ARNT2: variants seen among roughly 807,000 people sequenced by gnomAD.
ARNT2 encodes the protein ARNT protein 2.
Under a neutral mutation model 91.7 loss-of-function variants are expected in ARNT2, and 36 were observed. That is an observed-to-expected ratio of 0.39 (90% CI 0.30 to 0.52). ARNT2 has a LOEUF of 0.52. Ranked by LOEUF, ARNT2 falls within the 20% of genes least tolerant of loss-of-function variation. The pLI is 0.72. For missense variants in ARNT2, 775 were observed against 939.3 expected (o/e 0.83, Z 2.29); for synonymous variants, 365 against 347.1 (o/e 1.05, Z -0.57).
rs376563283 is a variant in ARNT2 at position 80,574,802 on chromosome 15, C to T, written c.1390-185C>T. Among the ~76,000 whole-genome samples the T allele has an allele frequency of 1.1e-4, 17 of 152,330 alleles. No homozygotes were observed. The South Asian group carries it at 3.5e-3, about 32-fold the overall frequency. The stretch of plus-strand genomic sequence containing the variant: ...CCTTCAGTTCACCGCCCCCTAACCC[C>T]CTCACCGGCTTTTCTTGGCTTTCAC... On this transcript the variant is annotated intron_variant, in intron 13 of 18. Coordinates refer to ENST00000303329, the MANE Select transcript of ARNT2 (RefSeq NM_014862.4).
At position 80,597,738 on chromosome 15, in the gene ARNT2, A is replaced by G. The variant is rs555215053; in HGVS notation, c.*4040A>G. ...AAAGAAAGGAAAAGATTTCATAAGC[A>G]GGTGTCAGTGGACAGTTTAAGTACT... On this transcript the variant is annotated 3_prime_UTR_variant, in exon 19 of 19. Coordinates refer to ENST00000303329, the MANE Select transcript of ARNT2 (RefSeq NM_014862.4). 6.3e-6 allele frequency: 1 copy of G among 158,064 alleles called. No individual in the cohort carries two copies. The highest frequency in any genetic ancestry group is 2.4e-5 in the African/African-American group (1 of 41,532). The allele number at this position is 158,064 out of a possible 1,614,324, so 9.8% of individuals were successfully genotyped here.
Position 80,528,214 on chromosome 15 carries a change from C to T in ARNT2, c.877+13809C>T, listed in dbSNP as rs139735545. Among the ~76,000 whole-genome samples the T allele has an allele frequency of 6.0e-3, 910 of 151,524 alleles. 16 individuals are homozygous for T. Among genetic ancestry groups the T allele is most frequent in the African/African-American group, 0.021 (884 of 41,258 alleles). On this transcript the variant is annotated intron_variant, in intron 8 of 18. Coordinates refer to ENST00000303329, the MANE Select transcript of ARNT2 (RefSeq NM_014862.4). ...CGGGGGTGGCAAGGACCACAGCTGG[C>T]GGGTGGGGACGCTGGGATCCACACT... is the stretch of plus-strand genomic sequence containing the variant.
intron 3 of ARNT2, among the ~76,000 whole-genome samples, chr15:80,462,713 C>A (rs1439159008): frequency 3.3e-5 from 5 of 152,180 alleles, no homozygotes; most frequent in African/African-American, 1.2e-4. Context: ...CTGCAAGTGA[C>A]CCCATTGGCT....
intron 5 of ARNT2, among the ~76,000 whole-genome samples, chr15:80,507,145 A>G (rs546307820): frequency 1.3e-5 from 2 of 152,268 alleles, no homozygotes; most frequent in Admixed American, 1.3e-4. Flanking sequence ...GTTTTCCCCT[A>G]AGATGGAAGA....
At chr15:80,477,139 A>G (rs1896818933) in intron 5 of ARNT2, among the ~76,000 whole-genome samples, 1 of 152,260 alleles carries the variant, frequency 6.6e-6, no homozygotes, top group Non-Finnish European at 1.5e-5. Context: ...GAGGCCAAGC[A>G]GATATCAGCA....
At chr15:80,529,078 A>T (rs977142988) in intron 8 of ARNT2, among the ~76,000 whole-genome samples, 6 of 152,292 alleles carry the variant, frequency 3.9e-5, no homozygotes, top group Admixed American at 2.6e-4. Context: ...GATGATTTTT[A>T]AAATAATTTC....
In ARNT2 at chr15:80,593,637, C is replaced by A. The variant is rs1893324763; in HGVS notation, c.2093C>A (p.Thr698Asn). The change falls in exon 19 of 19, where the codon ACT (threonine) becomes AAT (asparagine). Residue 698 changes from threonine to asparagine, a missense_variant. Thr to Asn is a moderately conservative substitution (Grantham distance 65). This residue lies in a region of ARNT2 where 325 missense variants were observed against 359.9 expected (regional missense o/e 0.90). Coordinates refer to ENST00000303329, the MANE Select transcript of ARNT2 (RefSeq NM_014862.4). ...ATGCCAGGAGATCCAACCCAGGGGA[C>A]TGGCAACTATAACATCGAAGACTTT... ...LPMPGDPTQG[T>N]GNYNIEDFAD... 1.9e-6 allele frequency: 3 copies of A among 1,606,828 alleles called. No homozygotes were observed. The highest frequency in any genetic ancestry group is 2.6e-6 in the Non-Finnish European group (3 of 1,175,802).
rs1243808480 is a variant in ARNT2, at chr15:80,591,741, G to T, written c.2055+37G>T. 6.2e-7 allele frequency: 1 copy of T among 1,610,202 alleles called. No individual in the cohort carries two copies. The highest frequency in any genetic ancestry group is 1.3e-5 in the African/African-American group (1 of 74,966). On this transcript the variant is annotated intron_variant, in intron 18 of 18. Transcript: ENST00000303329. The surrounding 1 kb of genome is among the most constrained non-coding windows in gnomAD (Gnocchi z 5.1). ...GAGCACCGCCTTCTCGTAGGTACCG[G>T]CGCCTTCTCTCTGCTTCCTTTCCCC...
At chr15:80,432,631 AG>A (rs1369385085) in intron 1 of ARNT2, among the ~76,000 whole-genome samples, 1 of 151,958 alleles carries the variant, frequency 6.6e-6, no homozygotes, top group Non-Finnish European at 1.5e-5. Flanking sequence ...TCCCAGAAAA[AG>A]TTTGCCAACC....
chr15:80,580,129 G>A (rs1418466993), intron 15 of ARNT2: 4 of 403,926 alleles, frequency 9.9e-6, no homozygotes, highest in African/African-American at 6.0e-5. Context: ...ATAGGATAGG[G>A]GCTGAAGAGT....
intron 8 of ARNT2, among the ~76,000 whole-genome samples, chr15:80,545,812 G>A (rs567875735): frequency 1.3e-5 from 2 of 152,336 alleles, no homozygotes; most frequent in African/African-American, 4.8e-5. Context: ...ATGAAGCCCA[G>A]GGAATATCTG....
rs371056352 is a variant in ARNT2, at chr15:80,531,820, T to G, written c.877+17415T>G. ...GGGCATGATCAGTCCAGCCTGCCAC[T>G]CTTATAGATGGAGAACCTGAAGCTC... On this transcript the variant is annotated intron_variant, in intron 8 of 18. Transcript: ENST00000303329. Among the ~76,000 whole-genome samples, 72 of 152,282 alleles carry G rather than the reference T, an allele frequency of 4.7e-4. No homozygotes were observed. The East Asian group carries it at 0.01, about 21-fold the overall frequency.
intron 8 of ARNT2, among the ~76,000 whole-genome samples, chr15:80,530,046 CT>C (rs1426047794): frequency 6.6e-6 from 1 of 152,152 alleles, no homozygotes; most frequent in African/African-American, 2.4e-5. Flanking sequence ...AACATTGGCT[CT>C]AATTCCTTAA....
chr15:80,511,516 A>T (rs1897341318), intron 6 of ARNT2, among the ~76,000 whole-genome samples: 1 of 152,088 alleles, frequency 6.6e-6, no homozygotes, highest in Admixed American at 6.5e-5. Context: ...CTTGAACTTA[A>T]AAACTAAAAA....
At chr15:80,486,171 C>T (rs927051187) in intron 5 of ARNT2, among the ~76,000 whole-genome samples, 1 of 152,148 alleles carries the variant, frequency 6.6e-6, no homozygotes, top group African/African-American at 2.4e-5. Context: ...TCTCTGGGTC[C>T]AAATTTCCCT....
At chr15:80,416,633 T>G (rs1047892957) in intron 1 of ARNT2, among the ~76,000 whole-genome samples, 29 of 152,194 alleles carry the variant, frequency 1.9e-4, no homozygotes, top group Non-Finnish European at 3.2e-4. Flanking sequence ...TTTTTTTGTT[T>G]GTTTGTTTGT....
chr15:80,562,523 G>C (rs1250969824), intron 11 of ARNT2, among the ~76,000 whole-genome samples: 1 of 152,116 alleles, frequency 6.6e-6, no homozygotes, highest in Non-Finnish European at 1.5e-5. Context: ...CAACATCAAA[G>C]TGTCATACAT....
At chr15:80,531,647 A>G (rs1897742668) in intron 8 of ARNT2, among the ~76,000 whole-genome samples, 1 of 152,160 alleles carries the variant, frequency 6.6e-6, no homozygotes, top group East Asian at 1.9e-4. Context: ...TGGCATCCTC[A>G]TCATTTGGTT....
intron 1 of ARNT2, among the ~76,000 whole-genome samples, chr15:80,429,608 G>T (rs920606056): frequency 1.3e-5 from 2 of 152,230 alleles, no homozygotes; most frequent in African/African-American, 4.8e-5. Context: ...CTGAGAAGGG[G>T]AGTTGTGGGA....
Sources: gnomAD v4.1 joint callset for allele counts (sites outside exome capture counted in the v4.1 genomes callset) on GRCh38, gnomAD v4.1.1 for gene constraint, gnomAD v4.1.1 regional missense constraint, Gnocchi (gnomAD v3.1) non-coding constraint, MANE v1.5 for transcripts, NCBI Gene and HGNC (gene_info 2026-07-23, HGNC 2026-07-21) for gene names.